Variants in CDK5RAP2 observed in about 807,000 individuals in gnomAD.
The protein encoded by CDK5RAP2 is CDK5 regulatory subunit-associated protein 2.
Under a neutral mutation model 232.9 loss-of-function variants are expected in CDK5RAP2, and 147 were observed. That is an observed-to-expected ratio of 0.63 (90% CI 0.55 to 0.72). The LOEUF (loss-of-function observed/expected upper bound fraction) is 0.72, where lower values mean the gene tolerates loss of function less well. Among genes scored for constraint, CDK5RAP2 ranks in the 30% least tolerant of loss-of-function variants. The pLI, the probability that CDK5RAP2 is intolerant of heterozygous loss-of-function variation, is 0.00. For missense variants in CDK5RAP2, 2,195 were observed against 2,231.5 expected, an observed-to-expected ratio of 0.98 and a Z score of 0.33; for synonymous variants, 833 against 833.7, an observed-to-expected ratio of 1.00 and a Z score of 0.01.
chr9:120,527,848 G>A lies in CDK5RAP2; in HGVS notation c.957C>T (p.Ala319=), dbSNP rs1456470000. ...TTAATGCCATGGTTAAACCCTGAATGGCTTTATCCCTCTTTAGACTATTTT... is the reference window on the plus strand; with the variant it reads ...TTAATGCCATGGTTAAACCCTGAATAGCTTTATCCCTCTTTAGACTATTTT... ...EKKNSLKRDK[A]IQGLTMALKS... is the part of the protein sequence containing the mutation. Residue 319 remains alanine (A), a synonymous_variant, in exon 10 of 38, where the codon GCC becomes GCT. Transcript: ENST00000349780. 2 of 1,613,592 alleles carry A rather than the reference G, an allele frequency of 1.2e-6. No individual in the cohort carries two copies.
chr9:120,454,052 G>A (rs1428594223), intron 20 of CDK5RAP2, among the ~76,000 whole-genome samples, 179 bp from the exon 21 acceptor site: 6 of 152,146 alleles, frequency 3.9e-5, no homozygotes, highest in South Asian at 2.1e-4. Context: ...GTAACCTCAC[G>A]GCACCCAAAC....
intron 14 of CDK5RAP2, among the ~76,000 whole-genome samples, chr9:120,485,430 G>A (rs2038548035): frequency 6.6e-6 from 1 of 151,886 alleles, no homozygotes; most frequent in Non-Finnish European, 1.5e-5. Context: ...AAGTAGCTGG[G>A]ATTACAGGCA....
At chr9:120,475,594 C>T (rs1271621070) in intron 15 of CDK5RAP2, among the ~76,000 whole-genome samples, 2 of 152,060 alleles carry the variant, frequency 1.3e-5, no homozygotes, top group African/African-American at 4.8e-5. Flanking sequence ...TCGCTCCCAC[C>T]GCCCACCTCC....
intron 12 of CDK5RAP2, among the ~76,000 whole-genome samples, chr9:120,516,787 C>G (rs1041637249): frequency 6.6e-6 from 1 of 152,120 alleles, no homozygotes. Flanking sequence ...TATGAGCATG[C>G]CACCGCACTC....
chr9:120,443,287 T>C (rs978084009), intron 23 of CDK5RAP2, among the ~76,000 whole-genome samples: 8 of 152,134 alleles, frequency 5.3e-5, no homozygotes, highest in Non-Finnish European at 1.2e-4. Context: ...GTTGGGATGA[T>C]TGTCTCCTCC....
intron 13 of CDK5RAP2, 41 bp downstream of exon 13, chr9:120,491,266 C>A (rs773312934): frequency 1.4e-6 from 2 of 1,438,822 alleles, no homozygotes. Context: ...AAAAATCAAC[C>A]CATGCCAAAT....
At chr9:120,431,865 A>G (rs568839467) in intron 25 of CDK5RAP2, among the ~76,000 whole-genome samples, 2 of 152,336 alleles carry the variant, frequency 1.3e-5, no homozygotes, top group South Asian at 2.1e-4. Flanking sequence ...GATACAGTGG[A>G]AACTCTGGCT....
intron 18 of CDK5RAP2, among the ~76,000 whole-genome samples, chr9:120,463,721 C>G (rs1363918082): frequency 1.3e-5 from 2 of 152,206 alleles, no homozygotes; most frequent in Non-Finnish European, 2.9e-5. Context: ...CACAACCATG[C>G]CAATGCTTGA....
At chr9:120,538,568 C>A (rs1220668214) in intron 6 of CDK5RAP2, among the ~76,000 whole-genome samples, 1 of 152,108 alleles carries the variant, frequency 6.6e-6, no homozygotes, top group East Asian at 1.9e-4. Flanking sequence ...GGGACCAGAG[C>A]TGGAAGGACA....
chr9:120,437,166 G>T (rs540074119), intron 25 of CDK5RAP2, 129 bp downstream of exon 25: 1 of 731,436 alleles, frequency 1.4e-6, no homozygotes, highest in African/African-American at 1.7e-5. Context: ...GTGTGGTTCT[G>T]CTGTCACCTC....
intron 28 of CDK5RAP2, among the ~76,000 whole-genome samples, chr9:120,413,283 G>A (rs1008170394): frequency 1.3e-5 from 2 of 152,278 alleles, no homozygotes; most frequent in East Asian, 3.9e-4. Context: ...TCCTCTGAGG[G>A]TCATCACTAT....
intron 12 of CDK5RAP2, among the ~76,000 whole-genome samples, chr9:120,500,725 A>G (rs2039535326): frequency 6.6e-6 from 1 of 152,198 alleles, no homozygotes; most frequent in South Asian, 2.1e-4. Flanking sequence ...TTCCCCCTAC[A>G]TTACAAAATC....
intron 22 of CDK5RAP2, among the ~76,000 whole-genome samples, chr9:120,447,666 A>G (rs1444745068): frequency 2.0e-5 from 3 of 152,228 alleles, no homozygotes; most frequent in Non-Finnish European, 4.4e-5. Flanking sequence ...ACCTATGAGC[A>G]CTGCAAGTTC....
chr9:120,399,114 C>G (rs940952629), intron 35 of CDK5RAP2, among the ~76,000 whole-genome samples: 1 of 152,194 alleles, frequency 6.6e-6, no homozygotes, highest in Non-Finnish European at 1.5e-5. Context: ...ACTCAAGAAA[C>G]CTTTGGAAGG....
At chr9:120,571,948 G>T in intron 2 of CDK5RAP2, 26 bp downstream of exon 2, 1 of 1,584,904 alleles carries the variant, frequency 6.3e-7, no homozygotes, top group Non-Finnish European at 8.7e-7. Context: ...CTTTACTCAA[G>T]AGAATGCCTG....
At chr9:120,575,127 T>C (rs748220256) in intron 1 of CDK5RAP2, among the ~76,000 whole-genome samples, 8 of 152,102 alleles carry the variant, frequency 5.3e-5, no homozygotes, top group South Asian at 2.1e-4. Flanking sequence ...TCTCAGCTCA[T>C]TGCAACCTCC....
At position 120,394,575 on chromosome 9, in the gene CDK5RAP2, A is replaced by G. The variant is rs1564161623; in HGVS notation, c.5515T>C (p.Leu1839=). The G allele has an allele frequency of 6.2e-7, 1 of 1,614,150 alleles. No homozygotes were observed. The change falls in exon 36 of 38, where the codon TTG becomes CTG. Residue 1839 remains leucine (L), a synonymous_variant. Coordinates refer to ENST00000349780, the MANE Select transcript of CDK5RAP2 (RefSeq NM_018249.6). ...TGCAAAAGCTTCATGGTGTTTTGCAACTTCTTTTCTTGTTCAAACAATTTT... is the reference window on the plus strand; with the variant it reads ...TGCAAAAGCTTCATGGTGTTTTGCAGCTTCTTTTCTTGTTCAAACAATTTT... The part of the protein sequence containing the change: ...HKKLFEQEKK[L]QNTMKLLQLS...
chr9:120,497,419 TTTAAAAAAAAAAA>T (rs2039344310), intron 12 of CDK5RAP2, among the ~76,000 whole-genome samples: 1 of 5,346 alleles, frequency 1.9e-4, no homozygotes, highest in Non-Finnish European at 2.8e-4. Flanking sequence ...AAAAAATAAA[TTTAAAAAAAAAAA>T]AAAAAAAAAA....
intron 1 of CDK5RAP2, among the ~76,000 whole-genome samples, chr9:120,575,444 C>G (rs987473966): frequency 1.3e-5 from 2 of 152,076 alleles, no homozygotes; most frequent in African/African-American, 4.8e-5. Context: ...CTATTGCTAC[C>G]GAAAAGGACT....
Sources: allele counts gnomAD v4.1 joint callset (sites outside exome capture counted in the v4.1 genomes callset), GRCh38; gene constraint gnomAD v4.1.1; transcripts MANE v1.5; gene names NCBI Gene and HGNC (gene_info 2026-07-23, HGNC 2026-07-21).